Variants in PSMF1 observed in about 807,000 individuals in gnomAD.
PSMF1 encodes proteasome inhibitor PI31 subunit.
A neutral mutation model predicts 29.3 loss-of-function variants in PSMF1; 30 were observed. The observed-to-expected ratio is 1.02, with a 90% CI of 0.77 to 1.39. The LOEUF (loss-of-function observed/expected upper bound fraction) is 1.39, where lower values mean the gene tolerates loss of function less well. PSMF1 is among the 40% of genes most tolerant of loss of function. The probability of loss-of-function intolerance (pLI) is 0.00; values close to 1 mark genes in which losing one functional copy is unlikely to be tolerated. For synonymous variants in PSMF1, 134 were observed against 139.7 expected, an observed-to-expected ratio of 0.96 and a Z score of 0.29; for missense variants, 344 against 357.5, an observed-to-expected ratio of 0.96 and a Z score of 0.31.
rs372874512 is a variant in PSMF1, at chr20:1,125,668, G to C, written c.282+18G>C. ...ATGTGCTGGTGAGTCTCTGGGACACGTGAGTCTGCTGATGAGATGGGGATA... is the reference window on the plus strand; with the variant it reads ...ATGTGCTGGTGAGTCTCTGGGACACCTGAGTCTGCTGATGAGATGGGGATA... On this transcript the variant is annotated intron_variant, in intron 2 of 6. Coordinates refer to ENST00000335877, the MANE Select transcript of PSMF1 (RefSeq NM_006814.5). 1 of 1,603,292 alleles carries C rather than the reference G, an allele frequency of 6.2e-7. No homozygotes were observed. Among genetic ancestry groups the C allele is most frequent in the South Asian group, 1.1e-5 (1 of 89,244 alleles).
intron 4 of PSMF1, among the ~76,000 whole-genome samples, chr20:1,150,054 C>G (rs936327067): frequency 3.3e-5 from 5 of 149,948 alleles, no homozygotes; most frequent in African/African-American, 1.3e-4. Context: ...GTGGTGTGAC[C>G]CTGGAGTCCC....
At chr20:1,134,887 A>C in intron 3 of PSMF1, 1 of 611,514 alleles carries the variant, frequency 1.6e-6, no homozygotes, top group East Asian at 2.9e-5. Context: ...GTGGTAAACA[A>C]GGAGGGGCAA....
In PSMF1 at chr20:1,170,034, C is replaced by T. The variant is rs563398002; in HGVS notation, c.*4954C>T. On this transcript the variant is annotated 3_prime_UTR_variant, in exon 7 of 7. Transcript: ENST00000335877. Reference sequence around the variant, plus strand: ...GGCCCCAATCTAGATCTCAAGGGAACGGCCTTCAGATCCATTTTTGACAAG... The same window carrying T: ...GGCCCCAATCTAGATCTCAAGGGAATGGCCTTCAGATCCATTTTTGACAAG... 1.1e-4 allele frequency among the ~76,000 whole-genome samples: 16 copies of T among 152,288 alleles called. No homozygotes were observed. The South Asian group carries it at 2.9e-3, about 28-fold the overall frequency.
In PSMF1 at chr20:1,168,930, GA is replaced by G. The variant is rs1450102509; in HGVS notation, c.*3851del. ...ACTTGCATGTGTATAAACCACTATT[GA>G]CTTTTTGCACCAAAGGAGATATTCA... On this transcript the variant is annotated 3_prime_UTR_variant, in exon 7 of 7. Transcript: ENST00000335877. Among the ~76,000 whole-genome samples the G allele has an allele frequency of 6.6e-6, 1 of 152,068 alleles. No individual in the cohort carries two copies. Among genetic ancestry groups the G allele is most frequent in the Non-Finnish European group, 1.5e-5 (1 of 68,018 alleles).
chr20:1,120,711 G>A (rs1423853761), intron 1 of PSMF1, among the ~76,000 whole-genome samples: 1 of 152,110 alleles, frequency 6.6e-6, no homozygotes, highest in African/African-American at 2.4e-5. Context: ...ATTTTGACCT[G>A]GGATCTCCTC....
intron 4 of PSMF1, among the ~76,000 whole-genome samples, chr20:1,147,926 G>A (rs754156544): frequency 3.3e-5 from 5 of 152,214 alleles, no homozygotes; most frequent in Non-Finnish European, 7.3e-5. Context: ...CTGCTGCAGA[G>A]TATTAATTAT....
intron 4 of PSMF1, among the ~76,000 whole-genome samples, chr20:1,139,984 G>A (rs1240683553): frequency 6.6e-6 from 1 of 152,174 alleles, no homozygotes; most frequent in Admixed American, 6.5e-5. Flanking sequence ...GACATTCTGT[G>A]CTCACGGCTA....
intron 1 of PSMF1, chr20:1,113,445 AACAC>A (rs58779664): frequency 0.021 from 2,372 of 114,498 alleles, 38 homozygotes; most frequent in African/African-American, 0.055. Context: ...GATCAGGGGC[AACAC>A]ACACACACAC....
chr20:1,160,552 C>T lies in PSMF1; in HGVS notation c.552-2578C>T, dbSNP rs868588546. The T allele has an allele frequency of 3.7e-5, 16 of 437,610 alleles. 1 individual carries two copies. The highest frequency in any genetic ancestry group is 2.4e-4 in the Admixed American group (10 of 41,088). 27.1% of individuals were successfully genotyped at this position (437,610 alleles called of 1,614,324 possible). A position where few individuals can be genotyped will look rare whatever the true frequency, so the allele number is the denominator to read the frequency against. Reference sequence around the variant, plus strand: ...TGGCCTGTGCTCCATGTCTTCCCACCGCTCTGCCGCCCAGCTCCTCCACCG... The same window carrying T: ...TGGCCTGTGCTCCATGTCTTCCCACTGCTCTGCCGCCCAGCTCCTCCACCG... On this transcript the variant is annotated intron_variant, in intron 4 of 6. Transcript: ENST00000335877.
rs1336780288 is a variant in PSMF1 at position 1,135,106 on chromosome 20, A to G, written c.366-15A>G. ...GCCAACTGCAAGCAGTTGACTCTTC[A>G]TCTGCTTCCTGCAGGACCTACAAGA... On this transcript the variant is annotated splice_polypyrimidine_tract_variant and intron_variant, in intron 3 of 6. Transcript: ENST00000335877. 6.2e-7 allele frequency: 1 copy of G among 1,613,888 alleles called. No individual in the cohort carries two copies. The highest frequency in any genetic ancestry group is 1.3e-5 in the African/African-American group (1 of 74,888).
At chr20:1,122,270 TTTC>T (rs1297564109) in intron 1 of PSMF1, among the ~76,000 whole-genome samples, 3 of 148,500 alleles carry the variant, frequency 2.0e-5, no homozygotes, top group Non-Finnish European at 4.4e-5. Context: ...GCCTTAGAGT[TTTC>T]TTTTCTTTTT....
intron 4 of PSMF1, among the ~76,000 whole-genome samples, chr20:1,139,204 AAAC>A (rs900796449): frequency 2.6e-5 from 4 of 152,254 alleles, no homozygotes; most frequent in East Asian, 1.9e-4. Context: ...CAACAACAAA[AAAC>A]AACAATAGAA....
intron 4 of PSMF1, among the ~76,000 whole-genome samples, chr20:1,160,101 A>C (rs2086647674): frequency 6.6e-6 from 1 of 151,934 alleles, no homozygotes; most frequent in South Asian, 2.1e-4. Flanking sequence ...AAAAACAGGA[A>C]AGTATAAAGA....
chr20:1,147,291 A>G (rs1438895664), intron 4 of PSMF1, among the ~76,000 whole-genome samples: 1 of 152,170 alleles, frequency 6.6e-6, no homozygotes, highest in Non-Finnish European at 1.5e-5. Flanking sequence ...CAGCCCTACA[A>G]GAAGATCAGT....
intron 4 of PSMF1, among the ~76,000 whole-genome samples, chr20:1,148,238 G>T (rs1395633080): frequency 2.0e-5 from 3 of 152,232 alleles, no homozygotes; most frequent in African/African-American, 7.2e-5. Context: ...CATTGTAGTG[G>T]AAGATTGGAG....
chr20:1,157,853 A>C (rs1243628702), intron 4 of PSMF1, among the ~76,000 whole-genome samples: 1 of 150,304 alleles, frequency 6.7e-6, no homozygotes, highest in Admixed American at 6.6e-5. Context: ...GGGCTGTTGT[A>C]GTTTCTCATT....
At chr20:1,121,890 G>C (rs1568462892) in intron 1 of PSMF1, among the ~76,000 whole-genome samples, 1 of 152,306 alleles carries the variant, frequency 6.6e-6, no homozygotes, top group Non-Finnish European at 1.5e-5. Flanking sequence ...AAGTGGTTTG[G>C]GTGCCAAGGG....
At chr20:1,119,104 G>T (rs1363546650) in intron 1 of PSMF1, among the ~76,000 whole-genome samples, 1 of 152,174 alleles carries the variant, frequency 6.6e-6, no homozygotes, top group Non-Finnish European at 1.5e-5. Flanking sequence ...GGCACAGCTG[G>T]CACAACATGA....
At position 1,164,527 on chromosome 20, in the gene PSMF1, T is replaced by A; in HGVS notation, c.764+51T>A. ...GAAGTAGGACCTGATGGCAGCTTGG[T>A]TCAGTGTGGCAGCAATGAAGGTTTC... is the stretch of plus-strand genomic sequence containing the variant. On this transcript the variant is annotated intron_variant, in intron 6 of 6. Coordinates refer to ENST00000335877, the MANE Select transcript of PSMF1 (RefSeq NM_006814.5). The surrounding 1 kb of genome is among the most constrained non-coding windows in gnomAD (Gnocchi z 4.1). 2 of 1,601,884 alleles carry A rather than the reference T, an allele frequency of 1.2e-6. No homozygotes were observed. Among genetic ancestry groups the A allele is most frequent in the Non-Finnish European group, 1.7e-6 (2 of 1,170,630 alleles).
Sources: allele counts gnomAD v4.1 joint callset (sites outside exome capture counted in the v4.1 genomes callset), GRCh38; gene constraint gnomAD v4.1.1; non-coding constraint Gnocchi (gnomAD v3.1); transcripts MANE v1.5; gene names NCBI Gene and HGNC (gene_info 2026-07-23, HGNC 2026-07-21).